Variants in RBFOX1 observed in about 807,000 individuals in gnomAD.
RBFOX1 encodes the protein RNA binding fox-1 homolog 1.
RBFOX1 carries 8 observed loss-of-function variants against 57.7 expected under a neutral mutation model. The ratio of observed to expected loss-of-function variants is 0.14; its 90% CI spans 0.08 to 0.25. The LOEUF is 0.25. Among genes scored for constraint, RBFOX1 ranks in the 10% least tolerant of loss-of-function variants. The probability of loss-of-function intolerance (pLI) is 1.00; values close to 1 mark genes in which losing one functional copy is unlikely to be tolerated. For synonymous variants in RBFOX1, 326 were observed against 222.4 expected, an observed-to-expected ratio of 1.47 and a Z score of -4.15; for missense variants, 611 against 548.5, an observed-to-expected ratio of 1.11 and a Z score of -1.14.
chr16:6,952,962 A>T (rs2081065311), intron 3 of RBFOX1, among the ~76,000 whole-genome samples: 1 of 152,008 alleles, frequency 6.6e-6, no homozygotes, highest in African/African-American at 2.4e-5. Context: ...GACAGAGCAA[A>T]ATTCTGTCTC....
At chr16:5,746,858 C>G (rs935937897) in intron 3 of RBFOX1, among the ~76,000 whole-genome samples, 6 of 152,328 alleles carry the variant, frequency 3.9e-5, no homozygotes, top group African/African-American at 1.4e-4. Context: ...GTGGGGTTTT[C>G]TAAATATACA....
intron 1 of RBFOX1, among the ~76,000 whole-genome samples, chr16:6,066,950 C>A (rs956563182): frequency 6.6e-6 from 1 of 152,076 alleles, no homozygotes; most frequent in African/African-American, 2.4e-5. Context: ...CAGCCTTGGT[C>A]TCCCAGAGTA....
chr16:5,945,464 T>C (rs1455740758), intron 4 of RBFOX1, among the ~76,000 whole-genome samples: 1 of 152,254 alleles, frequency 6.6e-6, no homozygotes, highest in East Asian at 1.9e-4. Flanking sequence ...ATAACATCTA[T>C]TGAGCTCTAG....
chr16:6,034,965 A>G (rs1225974109), intron 1 of RBFOX1, among the ~76,000 whole-genome samples: 1 of 78,492 alleles, frequency 1.3e-5, no homozygotes, highest in Non-Finnish European at 2.7e-5. Flanking sequence ...TTTAAGCAGC[A>G]GAGAGCATAC....
At chr16:5,532,084 C>T (rs1257168628) in intron 2 of RBFOX1, among the ~76,000 whole-genome samples, 1 of 152,198 alleles carries the variant, frequency 6.6e-6, no homozygotes, top group Non-Finnish European at 1.5e-5. Context: ...CAGGCGTGAA[C>T]CACCATGCGT....
chr16:5,523,980 G>C (rs2044131517), intron 2 of RBFOX1, among the ~76,000 whole-genome samples: 1 of 152,102 alleles, frequency 6.6e-6, no homozygotes, highest in Non-Finnish European at 1.5e-5. Context: ...CCCAGGACAA[G>C]ACAAATGGTC....
intron 3 of RBFOX1, among the ~76,000 whole-genome samples, chr16:6,679,122 C>A (rs1232972958): frequency 6.6e-6 from 1 of 152,054 alleles, no homozygotes; most frequent in East Asian, 1.9e-4. Context: ...ACAAAATATG[C>A]AGCCAGAATT....
intron 3 of RBFOX1, among the ~76,000 whole-genome samples, chr16:6,806,353 T>A (rs537064272): frequency 6.6e-6 from 1 of 152,320 alleles, no homozygotes; most frequent in South Asian, 2.1e-4. Flanking sequence ...TATAGAGTTT[T>A]GAAAGATGGA....
intron 1 of RBFOX1, among the ~76,000 whole-genome samples, chr16:5,257,084 G>A (rs1013551078): frequency 3.3e-5 from 5 of 152,050 alleles, no homozygotes; most frequent in African/African-American, 1.2e-4. Context: ...TGGTCTCCCT[G>A]TTTACAGGGT....
intron 5 of RBFOX1, among the ~76,000 whole-genome samples, chr16:7,520,167 G>C (rs1469245052): frequency 6.6e-6 from 1 of 152,156 alleles, no homozygotes; most frequent in East Asian, 1.9e-4. Context: ...TTACAGGCGT[G>C]AGCCACCGCG....
At chr16:7,387,766 C>A (rs114811749) in intron 4 of RBFOX1, among the ~76,000 whole-genome samples, 5 of 152,188 alleles carry the variant, frequency 3.3e-5, no homozygotes, top group Non-Finnish European at 2.9e-5. Context: ...CCATGAACAG[C>A]AAAGCCCCTC....
chr16:5,748,130 G>T (rs578172571), intron 3 of RBFOX1, among the ~76,000 whole-genome samples: 2 of 152,210 alleles, frequency 1.3e-5, no homozygotes, highest in South Asian at 4.2e-4. Context: ...ATTTCGTTAT[G>T]TACCCAGTAG....
intron 1 of RBFOX1, among the ~76,000 whole-genome samples, chr16:5,396,415 T>C (rs1596837798): frequency 6.6e-6 from 1 of 151,894 alleles, no homozygotes; most frequent in African/African-American, 2.4e-5. Context: ...CTGAGGCAGG[T>C]GAACCACTTG....
intron 1 of RBFOX1, among the ~76,000 whole-genome samples, chr16:6,273,616 G>A (rs957568539): frequency 6.6e-6 from 1 of 152,034 alleles, no homozygotes; most frequent in Non-Finnish European, 1.5e-5. Flanking sequence ...AAAGTGCTGG[G>A]CTTATAGGCG....
At chr16:7,647,385 T>C (rs952248871) in intron 11 of RBFOX1, among the ~76,000 whole-genome samples, 1 of 152,214 alleles carries the variant, frequency 6.6e-6, no homozygotes, top group Non-Finnish European at 1.5e-5. Flanking sequence ...TGGATAAGGC[T>C]TCAGAAGGAA....
chr16:7,481,975 C>T (rs1351422805), intron 4 of RBFOX1, among the ~76,000 whole-genome samples: 1 of 152,168 alleles, frequency 6.6e-6, no homozygotes, highest in African/African-American at 2.4e-5. Flanking sequence ...ACGCGAGATA[C>T]GGTTTCTCCT....
chr16:6,876,636 T>TG (rs2061900286), intron 3 of RBFOX1, among the ~76,000 whole-genome samples: 3 of 152,316 alleles, frequency 2.0e-5, no homozygotes, highest in Non-Finnish European at 4.4e-5. Flanking sequence ...CTATTTTTTT[T>TG]TTCTAAGAGT....
intron 2 of RBFOX1, among the ~76,000 whole-genome samples, chr16:5,587,329 A>G (rs535097307): frequency 5.8e-4 from 89 of 152,376 alleles, no homozygotes; most frequent in African/African-American, 1.9e-3. Flanking sequence ...ACATGAAAAG[A>G]TGCTCGACAT....
At chr16:6,266,958 T>A (rs1353978641) in intron 1 of RBFOX1, among the ~76,000 whole-genome samples, 1 of 152,138 alleles carries the variant, frequency 6.6e-6, no homozygotes, top group Non-Finnish European at 1.5e-5. Flanking sequence ...ATTCAGTAAA[T>A]CACTGTGACT....
Sources: gnomAD v4.1 joint callset for allele counts (sites outside exome capture counted in the v4.1 genomes callset) on GRCh38, gnomAD v4.1.1 for gene constraint, MANE v1.5 for transcripts, NCBI Gene and HGNC (gene_info 2026-07-23, HGNC 2026-07-21) for gene names.